The following CEACAM19 variants were observed in gnomAD, a reference collection of about 807,000 sequenced individuals.
CEACAM19 encodes cell adhesion molecule CEACAM19.
CEACAM19 carries 37 observed loss-of-function variants against 37.6 expected under a neutral mutation model. The observed-to-expected ratio is 0.98, with a 90% CI of 0.76 to 1.29. The LOEUF (loss-of-function observed/expected upper bound fraction) is 1.29. Ranked by LOEUF, CEACAM19 falls within the 50% of genes most tolerant of loss-of-function variation. CEACAM19 has a pLI of 0.00. For synonymous variants in CEACAM19, 140 were observed against 149.8 expected, an observed-to-expected ratio of 0.93 and a Z score of 0.48; for missense variants, 340 against 375.6, an observed-to-expected ratio of 0.91 and a Z score of 0.78.
chr19:44,670,449 A>G (rs1489320679), upstream of CEACAM19, among the ~76,000 whole-genome samples: 3 of 151,656 alleles, frequency 2.0e-5, no homozygotes, highest in African/African-American at 7.3e-5. Context: ...CCGAGGCAGG[A>G]GGATCATCTG....
At chr19:44,666,263 C>A (rs1434062402) in intron 1 of CEACAM19, 3 of 152,144 alleles carry the variant, frequency 2.0e-5, no homozygotes, top group Non-Finnish European at 4.4e-5. Flanking sequence ...TAGAATCCAG[C>A]CACCGGAAAA....
Position 44,672,626 on chromosome 19 carries a change from G to C in CEACAM19, c.86G>C (p.Gly29Ala). 6.7e-7 allele frequency: 1 copy of C among 1,485,852 alleles called. No homozygotes were observed. Among genetic ancestry groups the C allele is most frequent in the South Asian group, 1.4e-5 (1 of 69,946 alleles). 92.0% of individuals were successfully genotyped at this position (1,485,852 alleles called of 1,614,324 possible). ...ATCCTGGTCCTCTGGATGCTCCAAG[G>C]CTCCCAGGCAGCTCTCTACATCCAG... ...ASILVLWMLQ[G>A]SQAALYIQKI... is the part of the protein sequence containing the mutation. The change falls in exon 2 of 8, where the codon GGC becomes GCC. Residue 29 changes from glycine (G) to alanine (A), a missense_variant. By Grantham distance (60) the Gly-to-Ala change is moderately conservative. Transcript: ENST00000358777.
chr19:44,680,320 C>T lies in CEACAM19; in HGVS notation c.692C>T (p.Pro231Leu). 6.2e-7 allele frequency: 1 copy of T among 1,610,976 alleles called. No homozygotes were observed. The highest frequency in any genetic ancestry group is 8.5e-7 in the Non-Finnish European group (1 of 1,179,426). ...ACCACAGAGAAGCCAGAATTGGGCC[C>T]TGCTCATGATGCTGGTAAGGCGGGA... is the stretch of plus-strand genomic sequence containing the variant. ...MATTEKPELG[P>L]AHDAGDNNIY... is the part of the protein sequence containing the mutation. The change falls in exon 5 of 8, where the codon CCT (proline) becomes CTT (leucine). Residue 231 changes from proline to leucine, a missense_variant. By Grantham distance (98) the Pro-to-Leu change is moderately conservative (BLOSUM62 -3). Transcript: ENST00000358777.
At chr19:44,683,299 C>T (rs958506320) in intron 7 of CEACAM19, 138 bp from the exon 8 acceptor site, 33 of 509,184 alleles carry the variant, frequency 6.5e-5, no homozygotes, top group Non-Finnish European at 1.2e-4. Flanking sequence ...ATCTCACTCT[C>T]TTTCCACCTT....
rs1973949555 is a variant in CEACAM19 at position 44,676,338 on chromosome 19, T to C, written c.492T>C (p.Ile164=). ...TNAGILAATI[I]GSLAAGALLI... ...CTGGGATCCTGGCGGCCACCATCAT[T>C]GGATCTCTTGCTGCCGGGGCCCTTC... The change falls in exon 3 of 8, where the codon ATT becomes ATC. Residue 164 remains isoleucine, a synonymous_variant. Coordinates refer to ENST00000358777, the MANE Select transcript of CEACAM19 (RefSeq NM_001127893.3). 1.2e-6 allele frequency: 2 copies of C among 1,614,020 alleles called. No individual in the cohort carries two copies. The highest frequency in any genetic ancestry group is 1.3e-5 in the African/African-American group (1 of 74,916).
intron 2 of CEACAM19, 96 bp from the exon 3 acceptor site, chr19:44,676,175 T>G (rs1166122016): frequency 7.9e-7 from 1 of 1,268,316 alleles, no homozygotes; most frequent in Admixed American, 2.1e-5. Context: ...ACCTCAGTTC[T>G]CCATGCAGTC....
At chr19:44,668,717 A>G (rs1224889373), upstream of CEACAM19, among the ~76,000 whole-genome samples, 1 of 99,706 alleles carries the variant, frequency 1.0e-5, no homozygotes, top group Non-Finnish European at 1.8e-5. Flanking sequence ...ATATATTATA[A>G]TATGTATATA....
upstream of CEACAM19, among the ~76,000 whole-genome samples, chr19:44,667,655 GATAT>G (rs1326567363): frequency 1.5e-5 from 1 of 66,162 alleles, no homozygotes; most frequent in Non-Finnish European, 2.8e-5. Context: ...ATATTATATA[GATAT>G]ATAAATATAA....
At chr19:44,683,416 T>C (rs1368119059) in intron 7 of CEACAM19, 21 bp from the exon 8 acceptor site, 1 of 1,428,288 alleles carries the variant, frequency 7.0e-7, no homozygotes, top group Non-Finnish European at 9.5e-7. Flanking sequence ...CATAATTCTG[T>C]TCTCTCTTCC....
intron 5 of CEACAM19, among the ~76,000 whole-genome samples, chr19:44,680,804 C>T (rs1599792814): frequency 6.6e-6 from 1 of 152,326 alleles, no homozygotes; most frequent in African/African-American, 2.4e-5. Context: ...AGATCAAACA[C>T]AGTTTCTGAA....
At chr19:44,667,541 CAT>C (rs1331273049), upstream of CEACAM19, among the ~76,000 whole-genome samples, 1 of 122,268 alleles carries the variant, frequency 8.2e-6, no homozygotes, top group Non-Finnish European at 1.6e-5. Flanking sequence ...ATACATTTTA[CAT>C]ATATTTTATA....
At chr19:44,682,102 T>C (rs1974071584) in intron 6 of CEACAM19, among the ~76,000 whole-genome samples, 1 of 151,890 alleles carries the variant, frequency 6.6e-6, no homozygotes. Flanking sequence ...TACAAAAATT[T>C]AGCTAGGCAT....
chr19:44,671,618 A>G lies in CEACAM19; in HGVS notation c.-314A>G. 2.2e-6 allele frequency: 1 copy of G among 444,456 alleles called. No individual in the cohort carries two copies. Among genetic ancestry groups the G allele is most frequent in the Non-Finnish European group, 4.0e-6 (1 of 250,952 alleles). 27.5% of individuals were successfully genotyped at this position (444,456 alleles called of 1,614,324 possible). ...AACAGAGGCTGTTATGACTATTGCT[A>G]CAGTGACTGCTGTTGTAGTCACGCT... is the stretch of plus-strand genomic sequence containing the variant. On this transcript the variant is annotated 5_prime_UTR_variant, in exon 1 of 8. Coordinates refer to ENST00000358777, the MANE Select transcript of CEACAM19 (RefSeq NM_001127893.3).
chr19:44,667,110 T>A (rs1161028691), upstream of CEACAM19: 1 of 151,772 alleles, frequency 6.6e-6, no homozygotes, highest in African/African-American at 2.4e-5. Context: ...GGCCACTCCA[T>A]CATTCAAGGC....
In CEACAM19 at chr19:44,683,595, C is replaced by A. The variant is rs138229302; in HGVS notation, c.*105C>A. ...ACAAGGCCATTGGGGGCTGTGGGGCCGATGAGGTGGACTCAGCCAAAGACT... is the reference window on the plus strand; with the variant it reads ...ACAAGGCCATTGGGGGCTGTGGGGCAGATGAGGTGGACTCAGCCAAAGACT... On this transcript the variant is annotated 3_prime_UTR_variant, in exon 8 of 8. Coordinates refer to ENST00000358777, the MANE Select transcript of CEACAM19 (RefSeq NM_001127893.3). 1 of 667,940 alleles carries A rather than the reference C, an allele frequency of 1.5e-6. No individual in the cohort carries two copies. The highest frequency in any genetic ancestry group is 2.4e-6 in the Non-Finnish European group (1 of 411,196). 41.4% of individuals were successfully genotyped at this position (667,940 alleles called of 1,614,324 possible).
At chr19:44,683,254 C>G in intron 7 of CEACAM19, 183 bp from the exon 8 acceptor site, 1 of 486,158 alleles carries the variant, frequency 2.1e-6, no homozygotes, top group South Asian at 4.2e-5. Context: ...GTGTCCACCT[C>G]ATTTCTTGGC....
At chr19:44,673,018 T>A in intron 2 of CEACAM19, 54 bp downstream of exon 2, 1 of 1,388,510 alleles carries the variant, frequency 7.2e-7, no homozygotes, top group Non-Finnish European at 9.4e-7. Context: ...CCTGAGCAGC[T>A]ACCATGCACC....
chr19:44,668,966 T>C (rs983607667), upstream of CEACAM19, among the ~76,000 whole-genome samples: 4 of 146,666 alleles, frequency 2.7e-5, no homozygotes, highest in Admixed American at 7.1e-5. Context: ...ATTACAGGCA[T>C]GCGCCACCAC....
At chr19:44,679,327 G>A (rs986932680) in intron 4 of CEACAM19, among the ~76,000 whole-genome samples, 2 of 152,162 alleles carry the variant, frequency 1.3e-5, no homozygotes, top group Non-Finnish European at 2.9e-5. Flanking sequence ...TATTCAGGAC[G>A]GGTGCAGTGG....
Sources: gnomAD v4.1 joint callset for allele counts (sites outside exome capture counted in the v4.1 genomes callset) on GRCh38, gnomAD v4.1.1 for gene constraint, MANE v1.5 for transcripts, NCBI Gene and HGNC (gene_info 2026-07-23, HGNC 2026-07-21) for gene names.